Variants in COL19A1 observed in about 807,000 individuals in gnomAD.
COL19A1 encodes the protein collagen type XIX alpha 1 chain, also known as collagen alpha-1(XIX) chain.
Under a neutral mutation model 190.2 loss-of-function variants are expected in COL19A1, and 159 were observed. The ratio of observed to expected loss-of-function variants is 0.84; its 90% CI spans 0.73 to 0.95. The LOEUF (loss-of-function observed/expected upper bound fraction) is 0.95, where lower values mean the gene tolerates loss of function less well. Among genes scored for constraint, COL19A1 ranks in the 40% least tolerant of loss-of-function variants. The probability of loss-of-function intolerance (pLI) is 0.00; values close to 1 mark genes in which losing one functional copy is unlikely to be tolerated. For missense variants in COL19A1, 1,418 were observed against 1,431.9 expected (o/e 0.99, Z 0.16); for synonymous variants, 509 against 458.9 (o/e 1.11, Z -1.39).
intron 35 of COL19A1, 33 bp from the exon 36 acceptor site, chr6:70,163,310 T>C: frequency 6.2e-7 from 1 of 1,603,228 alleles, no homozygotes; most frequent in Non-Finnish European, 8.5e-7. Context: ...TTAATTGTTG[T>C]TTCTGTAACA....
At chr6:70,024,329 G>A (rs1223600117) in intron 12 of COL19A1, among the ~76,000 whole-genome samples, 4 of 152,086 alleles carry the variant, frequency 2.6e-5, no homozygotes, top group Non-Finnish European at 5.9e-5. Context: ...CTATAGATTT[G>A]TTATCTTTAC....
intron 14 of COL19A1, among the ~76,000 whole-genome samples, chr6:70,051,608 A>G (rs939654941): frequency 2.0e-5 from 3 of 152,096 alleles, no homozygotes; most frequent in Non-Finnish European, 4.4e-5. Context: ...CAGTAAGCAA[A>G]TCTATCCTTG....
chr6:69,967,104 G>A (rs971725221), intron 11 of COL19A1, among the ~76,000 whole-genome samples: 16 of 152,162 alleles, frequency 1.1e-4, no homozygotes, highest in African/African-American at 3.9e-4. Flanking sequence ...AGAACCTATT[G>A]CTAAATATCA....
chr6:70,177,410 C>G (rs2096944588), intron 42 of COL19A1, among the ~76,000 whole-genome samples: 2 of 152,084 alleles, frequency 1.3e-5, no homozygotes, highest in Admixed American at 6.5e-5. Flanking sequence ...CACCCAAAGC[C>G]CTGCTCATCT....
intron 2 of COL19A1, among the ~76,000 whole-genome samples, chr6:69,894,720 C>T (rs1012776713): frequency 2.6e-5 from 4 of 152,160 alleles, no homozygotes; most frequent in African/African-American, 9.7e-5. Flanking sequence ...GATTGCTAAA[C>T]AAAGCCTTGC....
chr6:70,114,995 C>A (rs1288693021), intron 16 of COL19A1, among the ~76,000 whole-genome samples: 1 of 152,140 alleles, frequency 6.6e-6, no homozygotes, highest in African/African-American at 2.4e-5. Flanking sequence ...ATTTGAGTCC[C>A]CACCACTTAC....
At position 69,906,784 on chromosome 6, in the gene COL19A1, A is replaced by T. The variant is rs143796332; in HGVS notation, c.266+6446A>T. 1.5e-3 allele frequency among the ~76,000 whole-genome samples: 228 copies of T among 152,298 alleles called. 1 individual carries two copies. The highest frequency in any genetic ancestry group is 6.8e-3 in the Middle Eastern group (2 of 294). ...GTGTCTACTTTATGAAAGTAAAGAT[A>T]ATTTAGTTTCATAGCTTTATGTGAA... is the stretch of plus-strand genomic sequence containing the variant. On this transcript the variant is annotated intron_variant, in intron 4 of 50. Coordinates refer to ENST00000620364, the MANE Select transcript of COL19A1 (RefSeq NM_001858.6).
At chr6:70,076,458 G>C (rs1417031630) in intron 15 of COL19A1, among the ~76,000 whole-genome samples, 2 of 152,180 alleles carry the variant, frequency 1.3e-5, no homozygotes, top group African/African-American at 2.4e-5. Flanking sequence ...GACAAATATA[G>C]GTAGGTACAG....
At chr6:69,923,459 A>G (rs946406069) in intron 4 of COL19A1, among the ~76,000 whole-genome samples, 1 of 152,130 alleles carries the variant, frequency 6.6e-6, no homozygotes, top group Non-Finnish European at 1.5e-5. Flanking sequence ...AAAAACCCCA[A>G]TTCTTAGTTG....
chr6:69,869,217 A>G (rs933327529), intron 1 of COL19A1, among the ~76,000 whole-genome samples: 3 of 152,194 alleles, frequency 2.0e-5, no homozygotes, highest in African/African-American at 7.2e-5. Context: ...GCAAACAGTC[A>G]TGTGCCTGGT....
At chr6:70,144,066 TAAAGGCC>T (rs777511218) in intron 23 of COL19A1, 137 bp from the exon 24 acceptor site, 5 of 639,824 alleles carry the variant, frequency 7.8e-6, no homozygotes, top group Non-Finnish European at 1.3e-5. Flanking sequence ...TTCCAGGTCT[TAAAGGCC>T]AAAATCAATC....
At chr6:70,026,454 T>A (rs1264926582) in intron 12 of COL19A1, among the ~76,000 whole-genome samples, 1 of 152,240 alleles carries the variant, frequency 6.6e-6, no homozygotes, top group African/African-American at 2.4e-5. Flanking sequence ...ACCGTTATTG[T>A]CTGATGTAGC....
At chr6:69,884,063 G>A (rs58323230) in intron 2 of COL19A1, among the ~76,000 whole-genome samples, 3 of 152,120 alleles carry the variant, frequency 2.0e-5, no homozygotes, top group East Asian at 1.9e-4. Context: ...GGCCGGGCTC[G>A]GTGGCTCACA....
intron 14 of COL19A1, among the ~76,000 whole-genome samples, chr6:70,041,343 G>A (rs1779625129): frequency 6.6e-6 from 1 of 152,092 alleles, no homozygotes; most frequent in South Asian, 2.1e-4. Flanking sequence ...AAATAAATAT[G>A]AGATTCTTCA....
At chr6:70,048,757 G>C (rs1019617442) in intron 14 of COL19A1, among the ~76,000 whole-genome samples, 1 of 149,184 alleles carries the variant, frequency 6.7e-6, no homozygotes, top group Non-Finnish European at 1.5e-5. Flanking sequence ...GAGACCAATC[G>C]TTTTTTAGTT....
intron 9 of COL19A1, among the ~76,000 whole-genome samples, chr6:69,946,033 C>T (rs983242107): frequency 4.6e-5 from 7 of 151,770 alleles, no homozygotes; most frequent in African/African-American, 1.7e-4. Context: ...ATTGGATTGA[C>T]CCAGCTTTGG....
rs1163970153 is a variant in COL19A1 at position 70,188,690 on chromosome 6, T to C, written c.3027+445T>C. Among the ~76,000 whole-genome samples the C allele has an allele frequency of 2.2e-5, 3 of 138,914 alleles. No homozygotes were observed. The East Asian group carries it at 6.2e-4, about 29-fold the overall frequency. 91.1% of individuals were successfully genotyped at this position (138,914 alleles called of 152,430 possible). A position where few individuals can be genotyped will look rare whatever the true frequency, so the allele number is the denominator to read the frequency against. ...ATTTCATACTCTATTTTGTTGAATATCAGAACAACAAATCTGCCATGAGTA... is the reference window on the plus strand; with the variant it reads ...ATTTCATACTCTATTTTGTTGAATACCAGAACAACAAATCTGCCATGAGTA... On this transcript the variant is annotated intron_variant, in intron 47 of 50. Coordinates refer to ENST00000620364, the MANE Select transcript of COL19A1 (RefSeq NM_001858.6).
chr6:69,935,183 A>C (rs757236916), intron 7 of COL19A1, among the ~76,000 whole-genome samples: 1 of 152,062 alleles, frequency 6.6e-6, no homozygotes, highest in Non-Finnish European at 1.5e-5. Context: ...GTTGAAAATA[A>C]ATGAGAAATG....
intron 12 of COL19A1, among the ~76,000 whole-genome samples, chr6:70,024,008 C>G (rs1778591489): frequency 6.6e-6 from 1 of 152,064 alleles, no homozygotes; most frequent in African/African-American, 2.4e-5. Flanking sequence ...CAGTGGTTCA[C>G]TTTTCATCTC....
Sources: allele counts gnomAD v4.1 joint callset (sites outside exome capture counted in the v4.1 genomes callset), GRCh38; gene constraint gnomAD v4.1.1; transcripts MANE v1.5; gene names NCBI Gene and HGNC (gene_info 2026-07-23, HGNC 2026-07-21).